Variants in FMNL2 observed in about 807,000 individuals in gnomAD.
FMNL2 encodes the protein formin like 2, also known as formin-like protein 2.
Under a neutral mutation model 130.2 loss-of-function variants are expected in FMNL2, and 51 were observed. The ratio of observed to expected loss-of-function variants is 0.39; its 90% confidence interval spans 0.31 to 0.49. The LOEUF (loss-of-function observed/expected upper bound fraction) is 0.49. FMNL2 is among the 20% of genes least tolerant of loss of function. FMNL2 has a pLI of 0.85. For missense variants in FMNL2, 977 were observed against 1,316.2 expected, an observed-to-expected ratio of 0.74 and a Z score of 3.99; for synonymous variants, 465 against 467.1, an observed-to-expected ratio of 1.00 and a Z score of 0.06.
At chr2:152,467,729 A>C (rs553355152) in intron 1 of FMNL2, among the ~76,000 whole-genome samples, 1 of 152,232 alleles carries the variant, frequency 6.6e-6, no homozygotes, top group African/African-American at 2.4e-5. Flanking sequence ...CAGCATATGC[A>C]TGTGTGCACA....
chr2:152,594,219 C>T (rs991547888), intron 9 of FMNL2, among the ~76,000 whole-genome samples: 4 of 152,140 alleles, frequency 2.6e-5, no homozygotes, highest in African/African-American at 4.8e-5. Context: ...ACTTTGTGTA[C>T]ACATGCCTAT....
chr2:152,605,252 A>G (rs776268277), intron 9 of FMNL2, among the ~76,000 whole-genome samples: 1 of 152,000 alleles, frequency 6.6e-6, no homozygotes, highest in Non-Finnish European at 1.5e-5. Flanking sequence ...ACCTGGGCCA[A>G]TTGAATCAGA....
chr2:152,480,786 A>G (rs1001941285), intron 1 of FMNL2, among the ~76,000 whole-genome samples: 1 of 152,180 alleles, frequency 6.6e-6, no homozygotes, highest in African/African-American at 2.4e-5. Context: ...TACAGTATAC[A>G]TGGAAACCAG....
chr2:152,603,287 G>A (rs183439996), intron 9 of FMNL2, among the ~76,000 whole-genome samples: 2 of 151,912 alleles, frequency 1.3e-5, no homozygotes, highest in South Asian at 2.1e-4. Flanking sequence ...TGGTCACTCT[G>A]TTGCTTTCAA....
At chr2:152,429,493 A>G (rs1007539608) in intron 1 of FMNL2, among the ~76,000 whole-genome samples, 1 of 152,216 alleles carries the variant, frequency 6.6e-6, no homozygotes, top group African/African-American at 2.4e-5. Flanking sequence ...GAGAAAGGCT[A>G]AAAGCTTAGT....
chr2:152,571,522 T>C (rs1174956199), intron 6 of FMNL2, among the ~76,000 whole-genome samples: 1 of 152,206 alleles, frequency 6.6e-6, no homozygotes, highest in Admixed American at 6.5e-5. Flanking sequence ...GAAAATATTA[T>C]AGTAACCGTT....
At chr2:152,491,126 T>G (rs1396923484) in intron 1 of FMNL2, among the ~76,000 whole-genome samples, 1 of 152,144 alleles carries the variant, frequency 6.6e-6, no homozygotes, top group East Asian at 1.9e-4. Context: ...ACTTGTATAA[T>G]GAATGTATCC....
At chr2:152,419,826 G>A (rs1370826264) in intron 1 of FMNL2, among the ~76,000 whole-genome samples, 2 of 152,064 alleles carry the variant, frequency 1.3e-5, no homozygotes, top group African/African-American at 4.8e-5. Flanking sequence ...AGCTTTATCA[G>A]GGAATACACT....
At chr2:152,403,731 G>A (rs1043293356) in intron 1 of FMNL2, among the ~76,000 whole-genome samples, 2 of 152,140 alleles carry the variant, frequency 1.3e-5, no homozygotes, top group Admixed American at 6.6e-5. Flanking sequence ...TCACCTTTGT[G>A]ACCCTGTTGT....
intron 1 of FMNL2, among the ~76,000 whole-genome samples, chr2:152,443,523 G>A (rs539557323): frequency 6.6e-6 from 1 of 152,196 alleles, no homozygotes; most frequent in African/African-American, 2.4e-5. Context: ...CTATTGTGGA[G>A]ACCAAGAGGA....
At chr2:152,492,863 A>C (rs1161186921) in intron 1 of FMNL2, among the ~76,000 whole-genome samples, 2 of 152,222 alleles carry the variant, frequency 1.3e-5, no homozygotes, top group Non-Finnish European at 2.9e-5. Context: ...AAAAGAAAAT[A>C]GCCGATATAT....
At chr2:152,638,283 A>C (rs1682789877) in intron 23 of FMNL2, among the ~76,000 whole-genome samples, 1 of 152,230 alleles carries the variant, frequency 6.6e-6, no homozygotes, top group South Asian at 2.1e-4. Context: ...CATGTATCAG[A>C]AGGATTTGTC....
At chr2:152,369,853 G>A (rs1257765488) in intron 1 of FMNL2, among the ~76,000 whole-genome samples, 1 of 152,140 alleles carries the variant, frequency 6.6e-6, no homozygotes, top group South Asian at 2.1e-4. Flanking sequence ...ATGGAGTATT[G>A]TTTGATTATT....
intron 25 of FMNL2, chr2:152,643,296 G>A: frequency 7.5e-7 from 1 of 1,335,922 alleles, no homozygotes. Context: ...CCCCTTTCCT[G>A]CCCATCTTCC....
At chr2:152,531,627 C>T (rs1693703336) in intron 2 of FMNL2, among the ~76,000 whole-genome samples, 1 of 152,044 alleles carries the variant, frequency 6.6e-6, no homozygotes, top group African/African-American at 2.4e-5. Context: ...AGCCGCCTGA[C>T]ACCACGCCCA....
chr2:152,537,468 C>T (rs1244961701), intron 2 of FMNL2, among the ~76,000 whole-genome samples: 1 of 152,154 alleles, frequency 6.6e-6, no homozygotes, highest in African/African-American at 2.4e-5. Context: ...GGCTTTAGAT[C>T]TACGAGAGAC....
intron 1 of FMNL2, among the ~76,000 whole-genome samples, chr2:152,389,674 G>A (rs1407045605): frequency 2.0e-5 from 3 of 152,238 alleles, no homozygotes; most frequent in East Asian, 1.9e-4. Context: ...CCGAGCCGGC[G>A]CGATGGGCGG....
chr2:152,478,323 T>C (rs1253891551), intron 1 of FMNL2, among the ~76,000 whole-genome samples: 1 of 147,444 alleles, frequency 6.8e-6, no homozygotes, highest in Non-Finnish European at 1.5e-5. Flanking sequence ...TGATCTTGGC[T>C]CACTCCCGGG....
At chr2:152,551,688 A>G (rs1425440098) in intron 4 of FMNL2, among the ~76,000 whole-genome samples, 1 of 152,246 alleles carries the variant, frequency 6.6e-6, no homozygotes, top group Non-Finnish European at 1.5e-5. Context: ...TAAGGAAGCC[A>G]TATATTTTAT....
Sources: allele counts gnomAD v4.1 joint callset (sites outside exome capture counted in the v4.1 genomes callset), GRCh38; gene constraint gnomAD v4.1.1; transcripts MANE v1.5; gene names NCBI Gene and HGNC (gene_info 2026-07-23, HGNC 2026-07-21).